MED12L: variants seen among roughly 807,000 people sequenced by gnomAD.
The protein encoded by MED12L is mediator of RNA polymerase II transcription subunit 12-like protein.
Under a neutral mutation model 281.3 loss-of-function variants are expected in MED12L, and 60 were observed. The observed-to-expected ratio is 0.21, with a 90% CI of 0.17 to 0.26. The LOEUF is 0.26. MED12L is among the 10% of genes least tolerant of loss of function. The pLI is 1.00. For missense variants in MED12L, 2,146 were observed against 2,680.9 expected (o/e 0.80, Z 4.41); for synonymous variants, 974 against 987.2 (o/e 0.99, Z 0.25).
At chr3:151,418,222 TACTTTC>T (rs1419862736) in intron 43 of MED12L, among the ~76,000 whole-genome samples, 4 of 152,178 alleles carry the variant, frequency 2.6e-5, no homozygotes, top group Admixed American at 6.5e-5. Flanking sequence ...TACCCTTAAG[TACTTTC>T]ACTTTTTTTT....
At chr3:151,241,510 G>A (rs1466419664) in intron 16 of MED12L, among the ~76,000 whole-genome samples, 3 of 152,134 alleles carry the variant, frequency 2.0e-5, no homozygotes, top group Non-Finnish European at 4.4e-5. Context: ...TATAATGGAT[G>A]GGACTGATGG....
chr3:151,279,333 T>C (rs1742428536), intron 16 of MED12L, among the ~76,000 whole-genome samples: 1 of 152,258 alleles, frequency 6.6e-6, no homozygotes, highest in African/African-American at 2.4e-5. Context: ...GCTTATGACA[T>C]GCCCGTTACT....
At chr3:151,137,847 A>T (rs1716374258) in intron 5 of MED12L, among the ~76,000 whole-genome samples, 2 of 151,866 alleles carry the variant, frequency 1.3e-5, no homozygotes, top group Non-Finnish European at 2.9e-5. Context: ...ACTTAAAATG[A>T]TTCTCTCTGC....
At chr3:151,113,874 A>G (rs1291585100) in intron 2 of MED12L, among the ~76,000 whole-genome samples, 1 of 152,236 alleles carries the variant, frequency 6.6e-6, no homozygotes, top group African/African-American at 2.4e-5. Context: ...AGTTTAAAGT[A>G]AAAACTGAAG....
At position 151,314,209 on chromosome 3, in the gene MED12L, A is replaced by G. The variant is rs937123; in HGVS notation, c.2251-35850A>G. On this transcript the variant is annotated intron_variant, in intron 16 of 44. Transcript: ENST00000687756. ...GGAACTTAATCAGTGCTCTCGCTTA[A>G]ATGTATTTTAGTGTAATTTTTTAAA... Among the ~76,000 whole-genome samples the G allele has an allele frequency of 6.8e-3, 1,035 of 152,320 alleles. 10 individuals carry two copies. Among genetic ancestry groups the G allele is most frequent in the South Asian group, 0.024 (115 of 4,822 alleles).
At position 151,338,246 on chromosome 3, in the gene MED12L, A is replaced by C. The variant is rs943960274; in HGVS notation, c.2251-11813A>C. ...AACATACAATAACAATTAAGAAATT[A>C]ATCCAGAAAATGACTTGACAGATGT... On this transcript the variant is annotated intron_variant, in intron 16 of 44. Coordinates refer to ENST00000687756, the MANE Select transcript of MED12L (RefSeq NM_001393769.1). 1.8e-5 allele frequency: 29 copies of C among 1,613,964 alleles called. No homozygotes were observed. Among genetic ancestry groups the C allele is most frequent in the Non-Finnish European group, 2.5e-5 (29 of 1,179,960 alleles).
chr3:151,155,015 T>G (rs191804774), intron 5 of MED12L, among the ~76,000 whole-genome samples: 1 of 152,370 alleles, frequency 6.6e-6, no homozygotes, highest in Admixed American at 6.5e-5. Context: ...ATAAGTGGTT[T>G]AGATGAAAAC....
At chr3:151,265,904 C>A (rs1234415179) in intron 16 of MED12L, among the ~76,000 whole-genome samples, 1 of 152,126 alleles carries the variant, frequency 6.6e-6, no homozygotes, top group Non-Finnish European at 1.5e-5. Context: ...CAGAGTCTTG[C>A]GGCCCTGAGA....
At chr3:151,247,553 A>G (rs1249481215) in intron 16 of MED12L, among the ~76,000 whole-genome samples, 6 of 145,204 alleles carry the variant, frequency 4.1e-5, no homozygotes, top group Non-Finnish European at 6.0e-5. Flanking sequence ...ATAGGTGGGA[A>G]TTGAACAATG....
chr3:151,261,334 T>C (rs975817294), intron 16 of MED12L: 2 of 152,138 alleles, frequency 1.3e-5, no homozygotes, highest in Admixed American at 1.3e-4. Flanking sequence ...TAATAGGATA[T>C]AAGGAATATG....
intron 3 of MED12L, among the ~76,000 whole-genome samples, chr3:151,117,524 G>T (rs1046182755): frequency 6.6e-6 from 1 of 151,782 alleles, no homozygotes; most frequent in African/African-American, 2.4e-5. Flanking sequence ...TTCGTATTCC[G>T]TTTTTAGGTC....
At chr3:151,136,950 T>A (rs1716223178) in intron 5 of MED12L, among the ~76,000 whole-genome samples, 1 of 151,916 alleles carries the variant, frequency 6.6e-6, no homozygotes. Context: ...GATCACGAGG[T>A]CAGGAGATCA....
At chr3:151,319,504 TG>T (rs1385978889) in intron 16 of MED12L, among the ~76,000 whole-genome samples, 6 of 141,360 alleles carry the variant, frequency 4.2e-5, no homozygotes, top group African/African-American at 1.6e-4. Flanking sequence ...TGTGTGTGTG[TG>T]TCGGCCACCA....
At chr3:151,357,675 G>T (rs73006595) in intron 20 of MED12L, among the ~76,000 whole-genome samples, 3,343 of 152,214 alleles carry the variant, frequency 0.022, 118 homozygotes, top group African/African-American at 0.078. Context: ...CAGCATCCTG[G>T]CATATTATGA....
chr3:151,367,736 C>T lies in MED12L; in HGVS notation c.3418C>T (p.His1140Tyr), dbSNP rs761144970. The T allele has an allele frequency of 2.6e-5, 42 of 1,611,020 alleles. No individual in the cohort carries two copies. Among genetic ancestry groups the T allele is most frequent in the Non-Finnish European group, 8.5e-7 (1 of 1,178,002 alleles). Reference protein sequence around the residue: ...QCFSLEDVVQHVALPSLLAAA... With the variant: ...QCFSLEDVVQYVALPSLLAAA... ...TTTTTCCCTGGAGGACGTCGTGCAG[C>T]ATGTCGCACTTCCCTCTCTTCTAGC... Residue 1140 changes from histidine to tyrosine, a missense_variant, in exon 24 of 45, where the codon CAT (histidine) becomes TAT (tyrosine). His to Tyr is a moderately conservative substitution (Grantham distance 83). Coordinates refer to ENST00000687756, the MANE Select transcript of MED12L (RefSeq NM_001393769.1).
chr3:151,394,512 A>T, intron 38 of MED12L, 144 bp from the exon 39 acceptor site: 1 of 1,243,688 alleles, frequency 8.0e-7, no homozygotes, highest in Non-Finnish European at 1.1e-6. Flanking sequence ...GGTCTATAAT[A>T]TTTGTGGCAG....
intron 2 of MED12L, among the ~76,000 whole-genome samples, chr3:151,101,428 G>A (rs1211584758): frequency 6.6e-6 from 1 of 152,134 alleles, no homozygotes. Flanking sequence ...CAGGGTCATT[G>A]AGTGGCATAG....
intron 16 of MED12L, among the ~76,000 whole-genome samples, chr3:151,266,345 G>T (rs1454188174): frequency 6.6e-6 from 1 of 152,224 alleles, no homozygotes; most frequent in African/African-American, 2.4e-5. Context: ...CACTGCATGT[G>T]TCTGGAAATC....
intron 27 of MED12L, among the ~76,000 whole-genome samples, chr3:151,373,098 A>G (rs920233549): frequency 2.5e-4 from 38 of 152,150 alleles, no homozygotes; most frequent in Admixed American, 2.5e-3. Flanking sequence ...TCATAACATA[A>G]CCAAAATATA....
Sources: gnomAD v4.1 joint callset for allele counts (sites outside exome capture counted in the v4.1 genomes callset) on GRCh38, gnomAD v4.1.1 for gene constraint, MANE v1.5 for transcripts, NCBI Gene and HGNC (gene_info 2026-07-23, HGNC 2026-07-21) for gene names.